Variants in DCAF17 observed in about 807,000 individuals in gnomAD.
The protein encoded by DCAF17 is DDB1- and CUL4-associated factor 17.
A neutral mutation model predicts 66.0 loss-of-function variants in DCAF17; 48 were observed. That is an observed-to-expected ratio of 0.73 (90% confidence interval 0.58 to 0.92). The LOEUF (loss-of-function observed/expected upper bound fraction) is 0.92. Ranked by LOEUF, DCAF17 falls within the 40% of genes least tolerant of loss-of-function variation. The pLI, the probability that DCAF17 is intolerant of heterozygous loss-of-function variation, is 0.00. For synonymous variants in DCAF17, 206 were observed against 214.6 expected, an observed-to-expected ratio of 0.96 and a Z score of 0.35; for missense variants, 562 against 622.8, an observed-to-expected ratio of 0.90 and a Z score of 1.04.
At chr2:171,460,515 A>AATT (rs1316135051) in intron 8 of DCAF17, among the ~76,000 whole-genome samples, 18 of 128,216 alleles carry the variant, frequency 1.4e-4, no homozygotes, top group African/African-American at 4.2e-4. Context: ...ATAGTGGGCA[A>AATT]ATTATTATTA....
At chr2:171,445,522 C>T (rs577440375) in intron 3 of DCAF17, among the ~76,000 whole-genome samples, 253 of 152,302 alleles carry the variant, frequency 1.7e-3, no homozygotes, top group Non-Finnish European at 2.6e-3. Context: ...GTTATTAACA[C>T]ACTGATATGA....
chr2:171,442,418 G>T (rs1694355939), intron 2 of DCAF17, among the ~76,000 whole-genome samples: 1 of 151,914 alleles, frequency 6.6e-6, no homozygotes, highest in Non-Finnish European at 1.5e-5. Context: ...ACAAAAATTA[G>T]CTGGGCATGG....
chr2:171,439,041 C>T (rs1694139034), intron 2 of DCAF17, among the ~76,000 whole-genome samples: 1 of 151,952 alleles, frequency 6.6e-6, no homozygotes, highest in Non-Finnish European at 1.5e-5. Flanking sequence ...GTATTTATGT[C>T]TCTCTCTGCT....
At chr2:171,456,116 G>A (rs1695246665) in intron 6 of DCAF17, among the ~76,000 whole-genome samples, 1 of 152,080 alleles carries the variant, frequency 6.6e-6, no homozygotes, top group African/African-American at 2.4e-5. Flanking sequence ...ATATTGCCTA[G>A]GTTATCTTCC....
At chr2:171,448,964 T>TAG (rs1694797698) in intron 4 of DCAF17, 147 bp downstream of exon 4, 10 of 710,642 alleles carry the variant, frequency 1.4e-5, no homozygotes, top group Non-Finnish European at 2.4e-5. Context: ...TCTCCCCTCA[T>TAG]GACTACATTT....
intron 3 of DCAF17, among the ~76,000 whole-genome samples, chr2:171,445,092 A>C (rs1320258123): frequency 6.6e-6 from 1 of 152,114 alleles, no homozygotes; most frequent in Non-Finnish European, 1.5e-5. Flanking sequence ...ACACTAGTAT[A>C]AAACACCAAA....
chr2:171,436,448 A>G (rs2105717135), intron 2 of DCAF17, among the ~76,000 whole-genome samples: 1 of 152,326 alleles, frequency 6.6e-6, no homozygotes, highest in East Asian at 1.9e-4. Context: ...CATAAGCAGT[A>G]TATGAGGGTT....
intron 2 of DCAF17, among the ~76,000 whole-genome samples, chr2:171,437,015 C>T (rs955719259): frequency 6.6e-6 from 1 of 151,970 alleles, no homozygotes; most frequent in Admixed American, 6.6e-5. Flanking sequence ...TTCAGGTGAT[C>T]CGGCCACCTC....
chr2:171,455,050 G>A (rs963042400), intron 6 of DCAF17, among the ~76,000 whole-genome samples: 1 of 151,694 alleles, frequency 6.6e-6, no homozygotes. Context: ...TGTGTCATGG[G>A]GGTTTGTTGT....
intron 5 of DCAF17, among the ~76,000 whole-genome samples, chr2:171,452,723 C>T (rs895385326): frequency 2.6e-5 from 4 of 152,202 alleles, no homozygotes; most frequent in Non-Finnish European, 4.4e-5. Flanking sequence ...CTTAGCCTCC[C>T]AAAGGGCTGG....
chr2:171,463,922 T>G (rs139799465), intron 8 of DCAF17, among the ~76,000 whole-genome samples: 8 of 152,348 alleles, frequency 5.3e-5, no homozygotes, highest in Non-Finnish European at 7.3e-5. Flanking sequence ...AAGGAGTTGG[T>G]ATAATAGTCA....
intron 3 of DCAF17, among the ~76,000 whole-genome samples, chr2:171,444,333 A>C (rs1420237411): frequency 6.6e-5 from 10 of 152,204 alleles, no homozygotes; most frequent in Non-Finnish European, 1.5e-4. Context: ...GAGCATCCCT[A>C]ATCTGAAAAT....
intron 8 of DCAF17, among the ~76,000 whole-genome samples, chr2:171,460,761 C>T (rs1037411855): frequency 1.3e-5 from 2 of 152,044 alleles, no homozygotes; most frequent in African/African-American, 4.8e-5. Flanking sequence ...GCCTTGAACT[C>T]CTGGGCTCAA....
rs957249149 is a variant in DCAF17, at chr2:171,434,725, C to T, written c.126+22C>T. ...CCAGGTGACCGCCAGCCGGCCGGGG[C>T]GGGACGGAGGGCCGCGGGCGCGCGG... On this transcript the variant is annotated intron_variant, in intron 1 of 13. Transcript: ENST00000375255. 1.7e-5 allele frequency: 24 copies of T among 1,422,544 alleles called. No homozygotes were observed. In the African/African-American group the frequency reaches 2.4e-4, roughly 14 times the overall value. The allele number at this position is 1,422,544 out of a possible 1,614,324, so 88.1% of individuals were successfully genotyped here. A position where few individuals can be genotyped will look rare whatever the true frequency, so the allele number is the denominator to read the frequency against.
chr2:171,479,615 G>T, intron 12 of DCAF17: 1 of 190,578 alleles, frequency 5.2e-6, no homozygotes, highest in South Asian at 1.0e-4. Flanking sequence ...TGTTTTTCTG[G>T]TGTGAGAAAT....
At chr2:171,459,704 T>A (rs192556210) in intron 8 of DCAF17, among the ~76,000 whole-genome samples, 1 of 152,310 alleles carries the variant, frequency 6.6e-6, no homozygotes, top group African/African-American at 2.4e-5. Flanking sequence ...AATGATGTCA[T>A]TGTTCAAAAG....
rs1256416113 is a variant in DCAF17 at position 171,434,313 on chromosome 2, G to C, written c.-265G>C. On this transcript the variant is annotated 5_prime_UTR_variant, in exon 1 of 14. Transcript: ENST00000375255. ...GCCGGCCGCGCGGTACCGGAGCGTCGCACTGTCAGCGGCCAGAGAGCCTGG... is the reference window on the plus strand; with the variant it reads ...GCCGGCCGCGCGGTACCGGAGCGTCCCACTGTCAGCGGCCAGAGAGCCTGG... The C allele has an allele frequency of 1.4e-5, 9 of 635,888 alleles. No individual in the cohort carries two copies. The highest frequency in any genetic ancestry group is 2.6e-5 in the Non-Finnish European group (9 of 350,854). 39.4% of individuals were successfully genotyped at this position (635,888 alleles called of 1,614,324 possible). A position where few individuals can be genotyped will look rare whatever the true frequency, so the allele number is the denominator to read the frequency against.
intron 2 of DCAF17, among the ~76,000 whole-genome samples, chr2:171,439,657 G>A (rs868858937): frequency 3.3e-5 from 5 of 151,924 alleles, no homozygotes; most frequent in Middle Eastern, 3.4e-3. Flanking sequence ...GACTGGGTGC[G>A]GAGGCTCACA....
At chr2:171,439,847 G>T (rs908549810) in intron 2 of DCAF17, among the ~76,000 whole-genome samples, 1 of 152,170 alleles carries the variant, frequency 6.6e-6, no homozygotes, top group African/African-American at 2.4e-5. Context: ...AGAATTGCTT[G>T]AATCTGGGAG....
Sources: gnomAD v4.1 joint callset for allele counts (sites outside exome capture counted in the v4.1 genomes callset) on GRCh38, gnomAD v4.1.1 for gene constraint, MANE v1.5 for transcripts, NCBI Gene and HGNC (gene_info 2026-07-23, HGNC 2026-07-21) for gene names.